The following RUNDC3A variants were observed in gnomAD, a reference collection of about 807,000 sequenced individuals.
RUNDC3A encodes the protein RUN domain-containing protein 3A.
A neutral mutation model predicts 53.9 loss-of-function variants in RUNDC3A; 28 were observed. That is an observed-to-expected ratio of 0.52 (90% CI 0.38 to 0.71). The LOEUF is 0.71. Among genes scored for constraint, RUNDC3A ranks in the 30% least tolerant of loss-of-function variants. RUNDC3A has a pLI of 0.00. For synonymous variants in RUNDC3A, 232 were observed against 249.4 expected (o/e 0.93, Z 0.66); for missense variants, 491 against 597.3 (o/e 0.82, Z 1.85).
intron 1 of RUNDC3A, among the ~76,000 whole-genome samples, chr17:44,310,549 A>G (rs868217047): frequency 6.6e-6 from 1 of 152,156 alleles, no homozygotes; most frequent in Non-Finnish European, 1.5e-5. Flanking sequence ...CAGGGACATA[A>G]CAAAGGCTCA....
intron 4 of RUNDC3A, chr17:44,313,824 G>T: frequency 1.3e-6 from 1 of 756,754 alleles, no homozygotes; most frequent in Non-Finnish European, 1.7e-6. Flanking sequence ...TGGGATTACA[G>T]GCATACGCCA....
intron 10 of RUNDC3A, chr17:44,317,429 T>C: frequency 1.3e-6 from 1 of 780,838 alleles, no homozygotes; most frequent in Non-Finnish European, 2.4e-6. Context: ...TCTTATCTCA[T>C]GCACACTGTG....
Position 44,310,730 on chromosome 17 carries a change from G to A in RUNDC3A, c.107+1791G>A, listed in dbSNP as rs536757597. ...TCAGGGAGCACACCACAGGGCTCCC[G>A]GGGGCAATGACCACCTCTGCGGCAC... On this transcript the variant is annotated intron_variant, in intron 1 of 10. Coordinates refer to ENST00000426726, the MANE Select transcript of RUNDC3A (RefSeq NM_001144825.2). The A allele has an allele frequency of 1.1e-5, 11 of 985,436 alleles. No homozygotes were observed. In the Admixed American group the frequency reaches 5.5e-4, roughly 49 times the overall value. The allele number at this position is 985,436 out of a possible 1,614,324, so 61.0% of individuals were successfully genotyped here.
At position 44,315,666 on chromosome 17, in the gene RUNDC3A, G is replaced by T; in HGVS notation, c.953+57G>T. 3 of 1,330,214 alleles carry T rather than the reference G, an allele frequency of 2.3e-6. No homozygotes were observed. Among genetic ancestry groups the T allele is most frequent in the Non-Finnish European group, 1.9e-6 (2 of 1,027,214 alleles). 82.4% of individuals were successfully genotyped at this position (1,330,214 alleles called of 1,614,324 possible). A position where few individuals can be genotyped will look rare whatever the true frequency, so the allele number is the denominator to read the frequency against. On this transcript the variant is annotated intron_variant, in intron 8 of 10. Transcript: ENST00000426726. The surrounding 1 kb of genome is among the most constrained non-coding windows in gnomAD (Gnocchi z 6.1). Reference sequence around the variant, plus strand: ...CCCGCCGCCCCGACCACATCACCGGGTGAACCCCATCTTCACTTCCATCGA... The same window carrying T: ...CCCGCCGCCCCGACCACATCACCGGTTGAACCCCATCTTCACTTCCATCGA...
Position 44,315,327 on chromosome 17 carries a change from G to T in RUNDC3A, c.795+7G>T, listed in dbSNP as rs1377616610. The stretch of plus-strand genomic sequence containing the variant: ...CATCGTCTACGCGCAGAAGGTGCGC[G>T]ACGCCGGCGGGCCCGGGGGGCGGGC... On this transcript the variant is annotated splice_region_variant and intron_variant, in intron 7 of 10. Transcript: ENST00000426726. This position sits in a 1 kb window ranked among gnomAD's most constrained non-coding sequence, Gnocchi z 6.1. 6 of 1,351,300 alleles carry T rather than the reference G, an allele frequency of 4.4e-6. No individual in the cohort carries two copies. The Admixed American group carries it at 1.1e-4, about 25-fold the overall frequency. The allele number at this position is 1,351,300 out of a possible 1,614,324, so 83.7% of individuals were successfully genotyped here.
intron 10 of RUNDC3A, chr17:44,317,849 CAAAG>C (rs138992063): frequency 0.022 from 12,806 of 592,796 alleles, 397 homozygotes; most frequent in South Asian, 0.1. Flanking sequence ...AATAAATGGA[CAAAG>C]AGAGAGGATG....
At position 44,314,717 on chromosome 17, in the gene RUNDC3A, C is replaced by T. The variant is rs1288449570; in HGVS notation, c.459-18C>T. 3.0e-5 allele frequency: 48 copies of T among 1,576,712 alleles called. No individual in the cohort carries two copies. Among genetic ancestry groups the T allele is most frequent in the Non-Finnish European group, 4.1e-5 (47 of 1,158,114 alleles). On this transcript the variant is annotated intron_variant, in intron 4 of 10. Coordinates refer to ENST00000426726, the MANE Select transcript of RUNDC3A (RefSeq NM_001144825.2). Reference sequence around the variant, plus strand: ...TCCAGGGGCCTGCTGCATCCTCTGGCCCTCTGCCTCCCCACAGACGGTTCT... The same window carrying T: ...TCCAGGGGCCTGCTGCATCCTCTGGTCCTCTGCCTCCCCACAGACGGTTCT...
At chr17:44,317,936 C>T (rs2047905174) in intron 10 of RUNDC3A, 160 bp from the exon 11 acceptor site, 2 of 669,738 alleles carry the variant, frequency 3.0e-6, no homozygotes, top group Admixed American at 2.6e-5. Flanking sequence ...CTGGCACAGG[C>T]AGGTGCTTAA....
chr17:44,310,184 C>G (rs867189204), intron 1 of RUNDC3A, among the ~76,000 whole-genome samples: 46 of 152,390 alleles, frequency 3.0e-4, no homozygotes, highest in African/African-American at 1.0e-3. Flanking sequence ...CTTACTCCAT[C>G]AGCTTTAGCT....
rs1411903394 is a variant in RUNDC3A at position 44,318,636 on chromosome 17, G to A, written c.*398G>A. ...GGAGTCACTCCTTCCTCAGCCCCCA[G>A]GGCAAGAGAGCTCAAATAAAAACCA... On this transcript the variant is annotated 3_prime_UTR_variant, in exon 11 of 11. Coordinates refer to ENST00000426726, the MANE Select transcript of RUNDC3A (RefSeq NM_001144825.2). 5.5e-6 allele frequency: 1 copy of A among 183,340 alleles called. No homozygotes were observed. Among genetic ancestry groups the A allele is most frequent in the African/African-American group, 2.3e-5 (1 of 42,864 alleles). The allele number at this position is 183,340 out of a possible 1,614,324, so 11.4% of individuals were successfully genotyped here. A position where few individuals can be genotyped will look rare whatever the true frequency, so the allele number is the denominator to read the frequency against.
chr17:44,316,662 C>A lies in RUNDC3A; in HGVS notation c.1135C>A (p.Leu379Met). The A allele has an allele frequency of 6.4e-7, 1 of 1,550,780 alleles. No individual in the cohort carries two copies. The highest frequency in any genetic ancestry group is 8.7e-7 in the Non-Finnish European group (1 of 1,147,016). ...STEPLSAEASLSSDSQRLGEG... is the reference protein window; with the variant it reads ...STEPLSAEASMSSDSQRLGEG... Reference sequence around the variant, plus strand: ...GGAGCCGCTGTCAGCTGAAGCCAGTCTGAGCTCGGACTCCCAGCGCCTGGG... The same window carrying A: ...GGAGCCGCTGTCAGCTGAAGCCAGTATGAGCTCGGACTCCCAGCGCCTGGG... The change falls in exon 10 of 11, where the codon CTG becomes ATG. Residue 379 changes from leucine (L) to methionine (M), a missense_variant. Coordinates refer to ENST00000426726, the MANE Select transcript of RUNDC3A (RefSeq NM_001144825.2).
Position 44,315,473 on chromosome 17 carries a change from C to A in RUNDC3A, c.817C>A (p.Arg273Ser). ...AQKGYLEELV[R>S]LRESQLKDLE... Reference sequence around the variant, plus strand: ...GCAGGGCTACCTGGAGGAGCTGGTGCGTCTGCGCGAGTCGCAGCTGAAGGA... The same window carrying A: ...GCAGGGCTACCTGGAGGAGCTGGTGAGTCTGCGCGAGTCGCAGCTGAAGGA... Residue 273 changes from arginine (R) to serine (S), a missense_variant, in exon 8 of 11, where the codon CGT (arginine) becomes AGT (serine). By Grantham distance (110) the Arg-to-Ser change is moderately radical. Coordinates refer to ENST00000426726, the MANE Select transcript of RUNDC3A (RefSeq NM_001144825.2). This position sits in a 1 kb window ranked among gnomAD's most constrained non-coding sequence, Gnocchi z 6.1. 2 of 1,501,476 alleles carry A rather than the reference C, an allele frequency of 1.3e-6. No individual in the cohort carries two copies. Among genetic ancestry groups the A allele is most frequent in the South Asian group, 1.3e-5 (1 of 78,696 alleles). 93.0% of individuals were successfully genotyped at this position (1,501,476 alleles called of 1,614,324 possible). A position where few individuals can be genotyped will look rare whatever the true frequency, so the allele number is the denominator to read the frequency against.
chr17:44,308,818 T>A lies in RUNDC3A; in HGVS notation c.-15T>A. On this transcript the variant is annotated 5_prime_UTR_variant, in exon 1 of 11. Transcript: ENST00000426726. ...GGGGGGCAGCGGGCGGCGGCAGCAG[T>A]GGCCGCACATCTGGATGGAAGCGAG... 6.4e-7 allele frequency: 1 copy of A among 1,567,600 alleles called. No individual in the cohort carries two copies. The highest frequency in any genetic ancestry group is 8.7e-7 in the Non-Finnish European group (1 of 1,151,160).
At chr17:44,317,047 G>GTT in intron 10 of RUNDC3A, 1 of 381,932 alleles carries the variant, frequency 2.6e-6, no homozygotes, top group Non-Finnish European at 4.7e-6. Flanking sequence ...TAGAGACGGA[G>GTT]TTTCGCCAGG....
rs757607873 is a variant in RUNDC3A at position 44,313,212 on chromosome 17, G to A, written c.332G>A (p.Ser111Asn). The A allele has an allele frequency of 6.2e-7, 1 of 1,613,952 alleles. No homozygotes were observed. Among genetic ancestry groups the A allele is most frequent in the South Asian group, 1.1e-5 (1 of 91,082 alleles). Residue 111 changes from serine (S) to asparagine (N), a missense_variant, in exon 3 of 11, where the codon AGC (serine) becomes AAC (asparagine). Transcript: ENST00000426726. ...CSKVPNNCVS[S>N]IENMENISTA... The stretch of plus-strand genomic sequence containing the variant: ...AAAGTGCCCAACAACTGTGTGAGCA[G>A]CATCGAGAACATGGAGAACATCAGC...
intron 1 of RUNDC3A, among the ~76,000 whole-genome samples, chr17:44,309,306 G>A (rs1327520064): frequency 6.6e-6 from 1 of 152,154 alleles, no homozygotes; most frequent in African/African-American, 2.4e-5. Flanking sequence ...GGGGATGAAT[G>A]CCCTCCAAGC....
At position 44,318,167 on chromosome 17, in the gene RUNDC3A, G is replaced by A. The variant is rs1391640909; in HGVS notation, c.1270G>A (p.Ala424Thr). ...CTCCATTCCCAGCTGCAAGTCCCTG[G>A]CGAGCTTCAAATCCAACGAGTGCCT... ...LASIPSCKSL[A>T]SFKSNECLVS... The change falls in exon 11 of 11, where the codon GCG (alanine) becomes ACG (threonine). Residue 424 changes from alanine to threonine, a missense_variant. Transcript: ENST00000426726. 3 of 1,551,408 alleles carry A rather than the reference G, an allele frequency of 1.9e-6. No individual in the cohort carries two copies. Among genetic ancestry groups the A allele is most frequent in the Admixed American group, 2.0e-5 (1 of 50,978 alleles).
At chr17:44,316,859 G>A (rs1038765809) in intron 10 of RUNDC3A, 134 bp downstream of exon 10, 6 of 601,354 alleles carry the variant, frequency 1.0e-5, no homozygotes, top group South Asian at 2.3e-5. Flanking sequence ...GTCTCACTCT[G>A]TCATCCAAGT....
chr17:44,313,481 C>T lies in RUNDC3A; in HGVS notation c.436C>T (p.Leu146=), dbSNP rs907196805. Residue 146 remains leucine (L), a synonymous_variant, in exon 4 of 11, where the codon CTG becomes TTG. Coordinates refer to ENST00000426726, the MANE Select transcript of RUNDC3A (RefSeq NM_001144825.2). The stretch of plus-strand genomic sequence containing the variant: ...CATGTCAGAATACATCACCACGGCT[C>T]TGCGTGACACCCGGACCACCAGGTC... ...KRMSEYITTA[L]RDTRTTRRFY... 6.2e-7 allele frequency: 1 copy of T among 1,611,986 alleles called. No individual in the cohort carries two copies. The highest frequency in any genetic ancestry group is 8.5e-7 in the Non-Finnish European group (1 of 1,178,266).
Sources: gnomAD v4.1 joint callset for allele counts (sites outside exome capture counted in the v4.1 genomes callset) on GRCh38, gnomAD v4.1.1 for gene constraint, Gnocchi (gnomAD v3.1) non-coding constraint, MANE v1.5 for transcripts, NCBI Gene and HGNC (gene_info 2026-07-23, HGNC 2026-07-21) for gene names.